Variants in MAD1L1 observed in about 807,000 individuals in gnomAD.
MAD1L1 encodes the protein mitotic spindle assembly checkpoint protein MAD1.
Under a neutral mutation model 96.9 loss-of-function variants are expected in MAD1L1, and 95 were observed. The ratio of observed to expected loss-of-function variants is 0.98; its 90% CI spans 0.83 to 1.16. MAD1L1 has a LOEUF of 1.16. MAD1L1 is among the 50% of genes most tolerant of loss of function. The pLI is 0.00. For missense variants in MAD1L1, 1,007 were observed against 954.4 expected, an observed-to-expected ratio of 1.06 and a Z score of -0.73; for synonymous variants, 473 against 396.6, an observed-to-expected ratio of 1.19 and a Z score of -2.29.
chr7:2,157,279 C>T (rs1343101929), intron 10 of MAD1L1, among the ~76,000 whole-genome samples: 1 of 152,160 alleles, frequency 6.6e-6, no homozygotes. Flanking sequence ...CTGACCACTC[C>T]AGCAGTGCAG....
chr7:2,027,103 G>A (rs1048911217), intron 12 of MAD1L1, among the ~76,000 whole-genome samples: 1 of 151,868 alleles, frequency 6.6e-6, no homozygotes, highest in Admixed American at 6.5e-5. Flanking sequence ...GAATTTTAAA[G>A]TTTTGATAAA....
At chr7:1,875,670 G>A (rs1785350405) in intron 18 of MAD1L1, among the ~76,000 whole-genome samples, 1 of 152,210 alleles carries the variant, frequency 6.6e-6, no homozygotes, top group African/African-American at 2.4e-5. Flanking sequence ...AGGGAACCCT[G>A]TTTAGTAACG....
intron 14 of MAD1L1, among the ~76,000 whole-genome samples, chr7:1,985,462 C>CTA (rs1781097382): frequency 3.5e-5 from 1 of 28,908 alleles, no homozygotes; most frequent in Non-Finnish European, 8.7e-5. Flanking sequence ...CTCACAGTCA[C>CTA]TCTCTCGGGA....
chr7:2,181,378 A>C, intron 10 of MAD1L1, among the ~76,000 whole-genome samples: 1 of 152,354 alleles, frequency 6.6e-6, no homozygotes, highest in Non-Finnish European at 1.5e-5. Context: ...GCAGCCACTG[A>C]CGTTTCCACA....
chr7:1,933,626 C>T (rs1442864885), intron 17 of MAD1L1, among the ~76,000 whole-genome samples: 1 of 152,208 alleles, frequency 6.6e-6, no homozygotes, highest in African/African-American at 2.4e-5. Context: ...GAGATGAGAC[C>T]TGAGAATCCA....
intron 18 of MAD1L1, chr7:1,872,883 G>A (rs959851234): frequency 1.0e-4 from 16 of 152,386 alleles, no homozygotes; most frequent in African/African-American, 3.8e-4. Flanking sequence ...AAACGTCAAC[G>A]CTTCCAGTCA....
At chr7:2,170,101 C>G (rs1790641797) in intron 10 of MAD1L1, among the ~76,000 whole-genome samples, 1 of 152,230 alleles carries the variant, frequency 6.6e-6, no homozygotes, top group Non-Finnish European at 1.5e-5. Context: ...CTGGCCACAG[C>G]TACTGCAACC....
At chr7:1,906,681 C>T (rs1156562317) in intron 17 of MAD1L1, among the ~76,000 whole-genome samples, 2 of 152,238 alleles carry the variant, frequency 1.3e-5, no homozygotes, top group Non-Finnish European at 2.9e-5. Flanking sequence ...TGGGCTGGGC[C>T]AGGCCTGTGC....
chr7:2,019,097 G>A (rs932102740), intron 12 of MAD1L1, among the ~76,000 whole-genome samples: 1 of 152,172 alleles, frequency 6.6e-6, no homozygotes, highest in African/African-American at 2.4e-5. Flanking sequence ...TGGGGCTGCA[G>A]ACACGGCTCT....
At chr7:1,924,899 C>G (rs746388035) in intron 17 of MAD1L1, among the ~76,000 whole-genome samples, 1 of 151,440 alleles carries the variant, frequency 6.6e-6, no homozygotes, top group African/African-American at 2.4e-5. Flanking sequence ...ATAAGTGCAC[C>G]GTGAAATGTT....
intron 11 of MAD1L1, among the ~76,000 whole-genome samples, chr7:2,102,231 GCCA>G (rs982200552): frequency 3.2e-4 from 43 of 132,354 alleles, no homozygotes; most frequent in East Asian, 1.1e-3. Context: ...CGTCGCCACC[GCCA>G]CCACCACCAC....
chr7:2,219,523 T>C, intron 5 of MAD1L1, 67 bp from the exon 6 acceptor site: 1 of 1,563,366 alleles, frequency 6.4e-7, no homozygotes, highest in Non-Finnish European at 8.7e-7. Flanking sequence ...AGCCTGCACA[T>C]GGAGATGAGA....
At chr7:2,104,107 A>G (rs756766554) in intron 11 of MAD1L1, among the ~76,000 whole-genome samples, 5 of 152,262 alleles carry the variant, frequency 3.3e-5, no homozygotes, top group Non-Finnish European at 5.9e-5. Flanking sequence ...CATATCTGTT[A>G]TTAAAGGCAT....
At chr7:1,990,816 G>C (rs1338192025) in intron 14 of MAD1L1, among the ~76,000 whole-genome samples, 1 of 6,804 alleles carries the variant, frequency 1.5e-4, no homozygotes, top group Non-Finnish European at 2.8e-4. Flanking sequence ...CCACCAGAGC[G>C]CCACTGCTGG....
At chr7:2,112,659 T>G (rs781200363) in intron 11 of MAD1L1, among the ~76,000 whole-genome samples, 1 of 152,144 alleles carries the variant, frequency 6.6e-6, no homozygotes, top group South Asian at 2.1e-4. Context: ...CCAGGGGTGC[T>G]GGATGGAGCC....
chr7:2,025,530 C>G (rs1562617866), intron 12 of MAD1L1, among the ~76,000 whole-genome samples: 1 of 152,156 alleles, frequency 6.6e-6, no homozygotes, highest in Non-Finnish European at 1.5e-5. Flanking sequence ...AGCATTAAAT[C>G]TGTATCAAAG....
intron 10 of MAD1L1, among the ~76,000 whole-genome samples, chr7:2,181,812 C>CTA (rs35246222): frequency 0.14 from 20,377 of 149,198 alleles, 1,481 homozygotes; most frequent in South Asian, 0.21. Flanking sequence ...AATGTGGTCT[C>CTA]TATATATATA....
chr7:2,082,247 GGAA>G (rs1489948154), intron 11 of MAD1L1, among the ~76,000 whole-genome samples: 1 of 152,026 alleles, frequency 6.6e-6, no homozygotes, highest in Non-Finnish European at 1.5e-5. Context: ...CAGCTGCACG[GGAA>G]ACCAGAAAAG....
chr7:2,152,108 G>A (rs1323678212), intron 10 of MAD1L1, among the ~76,000 whole-genome samples: 1 of 152,256 alleles, frequency 6.6e-6, no homozygotes, highest in African/African-American at 2.4e-5. Context: ...AGCATGGCTT[G>A]CCCTGAGGCA....
Sources: gnomAD v4.1 joint callset for allele counts (sites outside exome capture counted in the v4.1 genomes callset) on GRCh38, gnomAD v4.1.1 for gene constraint, MANE v1.5 for transcripts, NCBI Gene and HGNC (gene_info 2026-07-23, HGNC 2026-07-21) for gene names.